SMARCB1: variants seen among roughly 807,000 people sequenced by gnomAD.
The protein encoded by SMARCB1 is SWI/SNF related BAF chromatin remodeling complex subunit B1.
Under a neutral mutation model 49.0 loss-of-function variants are expected in SMARCB1, and 5 were observed. The ratio of observed to expected loss-of-function variants is 0.10; its 90% CI spans 0.05 to 0.21. The LOEUF (loss-of-function observed/expected upper bound fraction) is 0.21, where lower values mean the gene tolerates loss of function less well. Ranked by LOEUF, SMARCB1 falls within the 10% of genes least tolerant of loss-of-function variation. The pLI, the probability that SMARCB1 is intolerant of heterozygous loss-of-function variation, is 1.00. For synonymous variants in SMARCB1, 201 were observed against 200.1 expected (o/e 1.00, Z -0.04); for missense variants, 226 against 509.2 (o/e 0.44, Z 5.35).
chr22:23,822,172 GC>G (rs2030125566), intron 6 of SMARCB1, among the ~76,000 whole-genome samples: 1 of 152,252 alleles, frequency 6.6e-6, no homozygotes, highest in Non-Finnish European at 1.5e-5. Flanking sequence ...TGGGACCAAA[GC>G]CCAGGCCTGG....
chr22:23,825,163 G>T (rs35838942), intron 6 of SMARCB1, 62 bp from the exon 7 acceptor site: 1 of 1,471,022 alleles, frequency 6.8e-7, no homozygotes, highest in African/African-American at 1.4e-5. Flanking sequence ...GCAGGGCCCC[G>T]CTCCTCGCGG....
rs547170405 is a variant in SMARCB1, at chr22:23,836,209, G to C, written c.*2029G>C. ...TGAAAACTTAGGCTCTGAGGTCATA[G>C]AAAGGGCAGAAGACCTAGTCCTGGC... On this transcript the variant is annotated 3_prime_UTR_variant, in exon 9 of 9. Coordinates refer to ENST00000644036, the MANE Select transcript of SMARCB1 (RefSeq NM_003073.5). 1 of 985,464 alleles carries C rather than the reference G, an allele frequency of 1.0e-6. No individual in the cohort carries two copies. Among genetic ancestry groups the C allele is most frequent in the South Asian group, 4.7e-5 (1 of 21,290 alleles). The allele number at this position is 985,464 out of a possible 1,614,324, so 61.0% of individuals were successfully genotyped here.
chr22:23,834,733 G>C lies in SMARCB1; in HGVS notation c.*553G>C, dbSNP rs2030897227. 1 of 1,470,498 alleles carries C rather than the reference G, an allele frequency of 6.8e-7. No individual in the cohort carries two copies. Among genetic ancestry groups the C allele is most frequent in the South Asian group, 1.3e-5 (1 of 74,134 alleles). The allele number at this position is 1,470,498 out of a possible 1,614,324, so 91.1% of individuals were successfully genotyped here. On this transcript the variant is annotated 3_prime_UTR_variant, in exon 9 of 9. Transcript: ENST00000644036. ...CTCCCCTCAGCCTGTTCTCCTTCCA[G>C]ACCCAGAGAGCTGAGAAGAGTAGCT...
chr22:23,816,712 C>A lies in SMARCB1; in HGVS notation c.629-58C>A, dbSNP rs2070457. The A allele has an allele frequency of 0.28, 424,816 of 1,503,650 alleles. 61,757 individuals carry two copies. The highest frequency in any genetic ancestry group is 0.34 in the African/African-American group (24,851 of 72,886). The allele number at this position is 1,503,650 out of a possible 1,614,324, so 93.1% of individuals were successfully genotyped here. A position where few individuals can be genotyped will look rare whatever the true frequency, so the allele number is the denominator to read the frequency against. On this transcript the variant is annotated intron_variant, in intron 5 of 8. Coordinates refer to ENST00000644036, the MANE Select transcript of SMARCB1 (RefSeq NM_003073.5). ...TCAAAGAAGAAGGGGTGAGGGAGGCCGGTCCATGCCCAAGCATGGTGCAAT... is the reference window on the plus strand; with the variant it reads ...TCAAAGAAGAAGGGGTGAGGGAGGCAGGTCCATGCCCAAGCATGGTGCAAT...
intron 3 of SMARCB1, among the ~76,000 whole-genome samples, chr22:23,799,288 T>A (rs575655128): frequency 2.3e-4 from 35 of 151,806 alleles, no homozygotes; most frequent in Non-Finnish European, 4.1e-4. Flanking sequence ...GGTATTTTTT[T>A]TTTTTTTTCG....
chr22:23,816,635 G>A, intron 5 of SMARCB1, 135 bp from the exon 6 acceptor site: 1 of 834,834 alleles, frequency 1.2e-6, no homozygotes, highest in South Asian at 1.4e-5. Context: ...TTTCCAGGAA[G>A]GCCACCCCCA....
intron 5 of SMARCB1, among the ~76,000 whole-genome samples, chr22:23,804,775 A>G (rs1929389312): frequency 6.6e-6 from 1 of 152,162 alleles, no homozygotes; most frequent in Admixed American, 6.5e-5. Context: ...AACTGACCTC[A>G]GGTGATCCGC....
intron 5 of SMARCB1, among the ~76,000 whole-genome samples, chr22:23,814,375 T>C (rs1304237557): frequency 2.0e-5 from 3 of 152,176 alleles, no homozygotes; most frequent in Admixed American, 6.6e-5. Context: ...TAGACAATCA[T>C]AGGCAAGTAG....
At chr22:23,825,901 T>G (rs899454017) in intron 7 of SMARCB1, 1 of 170,480 alleles carries the variant, frequency 5.9e-6, no homozygotes, top group Non-Finnish European at 1.3e-5. Context: ...CTGCCTTTGG[T>G]CAGTCAGAGA....
intron 2 of SMARCB1, chr22:23,792,616 TGA>T (rs1277928522): frequency 1.8e-5 from 3 of 163,200 alleles, no homozygotes; most frequent in Admixed American, 1.7e-4. Context: ...GGTGTGTCTG[TGA>T]GCATGTGCGC....
Position 23,833,476 on chromosome 22 carries a change from G to A in SMARCB1, c.987-96G>A. 2.6e-6 allele frequency: 4 copies of A among 1,547,248 alleles called. No individual in the cohort carries two copies. The South Asian group carries it at 4.5e-5, about 17-fold the overall frequency. ...TCCACTGGGTGCCAGCAGTGCTGCT[G>A]GGAGGAGCAGGGCACAGACAGGGGC... On this transcript the variant is annotated intron_variant, in intron 7 of 8. Transcript: ENST00000644036.
At chr22:23,820,262 G>A (rs1004530170) in intron 6 of SMARCB1, among the ~76,000 whole-genome samples, 2 of 152,116 alleles carry the variant, frequency 1.3e-5, no homozygotes, top group Non-Finnish European at 1.5e-5. Context: ...AGAAGGATTG[G>A]TGTTAGCTCC....
intron 7 of SMARCB1, among the ~76,000 whole-genome samples, chr22:23,831,447 T>G (rs2030652975): frequency 1.3e-5 from 2 of 152,082 alleles, no homozygotes; most frequent in South Asian, 4.1e-4. Context: ...TCGAAGCCCG[T>G]GAACCAGAAT....
intron 1 of SMARCB1, 114 bp downstream of exon 1, chr22:23,787,376 C>G (rs1046866595): frequency 4.0e-6 from 2 of 505,288 alleles, no homozygotes; most frequent in African/African-American, 5.6e-5. Context: ...GGCGCGCGCG[C>G]GCGCGCTCGG....
intron 6 of SMARCB1, among the ~76,000 whole-genome samples, chr22:23,822,748 C>T (rs1027648012): frequency 3.9e-5 from 6 of 152,066 alleles, no homozygotes; most frequent in African/African-American, 1.2e-4. Flanking sequence ...GGACTGTTCT[C>T]CCCCAGGGAG....
At position 23,793,683 on chromosome 22, in the gene SMARCB1, C is replaced by T. The variant is rs2145964544; in HGVS notation, c.357C>T (p.Tyr119=). 2.5e-6 allele frequency: 4 copies of T among 1,614,194 alleles called. No individual in the cohort carries two copies. The highest frequency in any genetic ancestry group is 2.5e-6 in the Non-Finnish European group (3 of 1,180,038). ...CCATCAGCACAGAGCCCCCCACCTA[C>T]CTCAGGTAATGCGTTCCTGGCCAGG... The part of the protein sequence containing the change: ...AVSISTEPPT[Y]LREQKAKRNS... Residue 119 remains tyrosine (Y), a synonymous_variant, in exon 3 of 9, where the codon TAC becomes TAT. Coordinates refer to ENST00000644036, the MANE Select transcript of SMARCB1 (RefSeq NM_003073.5).
chr22:23,794,107 G>C (rs35264162), intron 3 of SMARCB1, among the ~76,000 whole-genome samples: 137 of 152,350 alleles, frequency 9.0e-4, no homozygotes, highest in Non-Finnish European at 1.8e-3. Flanking sequence ...ACCACGCCCA[G>C]CTAATTTTGT....
At chr22:23,789,204 C>T (rs1928213372) in intron 1 of SMARCB1, among the ~76,000 whole-genome samples, 1 of 152,174 alleles carries the variant, frequency 6.6e-6, no homozygotes, top group African/African-American at 2.4e-5. Flanking sequence ...TTCACGTTGT[C>T]ACTTAAATTA....
At chr22:23,821,093 C>T (rs1334992480) in intron 6 of SMARCB1, among the ~76,000 whole-genome samples, 1 of 152,212 alleles carries the variant, frequency 6.6e-6, no homozygotes, top group South Asian at 2.1e-4. Flanking sequence ...TGGGGCTGTT[C>T]CCTGCCCCAC....
Sources: gnomAD v4.1 joint callset for allele counts (sites outside exome capture counted in the v4.1 genomes callset) on GRCh38, gnomAD v4.1.1 for gene constraint, MANE v1.5 for transcripts, NCBI Gene and HGNC (gene_info 2026-07-23, HGNC 2026-07-21) for gene names.